Variants in MRPL43 observed in about 807,000 individuals in gnomAD.
MRPL43 encodes mitochondrial ribosomal protein L43.
MRPL43 carries 9 observed loss-of-function variants against 12.7 expected under a neutral mutation model. The observed-to-expected ratio is 0.71, with a 90% confidence interval of 0.43 to 1.24. The LOEUF (loss-of-function observed/expected upper bound fraction) is 1.24, where lower values mean the gene tolerates loss of function less well. MRPL43 is among the 50% of genes most tolerant of loss of function. The pLI is 0.00. For synonymous variants in MRPL43, 116 were observed against 96.4 expected (o/e 1.20, Z -1.19); for missense variants, 211 against 229.2 (o/e 0.92, Z 0.51).
downstream of MRPL43, chr10:100,983,783 T>A: frequency 6.2e-7 from 1 of 1,608,156 alleles, no homozygotes. Flanking sequence ...CAGGAGGATC[T>A]GCGGTGCAAC....
At chr10:100,983,761 G>A (rs140405167), downstream of MRPL43, 390 of 1,610,672 alleles carry the variant, frequency 2.4e-4, no homozygotes, top group African/African-American at 4.1e-3. Flanking sequence ...TCACTGGGTC[G>A]GGCCAGCCGG....
downstream of MRPL43, chr10:100,979,183 T>A (rs780858350): frequency 6.2e-7 from 1 of 1,614,186 alleles, no homozygotes; most frequent in Non-Finnish European, 8.5e-7. Flanking sequence ...CATTCCACTG[T>A]ATGAGACACT....
chr10:100,985,086 G>T (rs1345587818), downstream of MRPL43: 3 of 588,334 alleles, frequency 5.1e-6, no homozygotes, highest in Admixed American at 3.5e-5. Context: ...ACAGGCCCTT[G>T]CCTAGGATGG....
chr10:100,980,085 G>A, downstream of MRPL43: 1 of 1,612,342 alleles, frequency 6.2e-7, no homozygotes, highest in Non-Finnish European at 8.5e-7. Flanking sequence ...GCAGGTGGTG[G>A]AGTCCCGAGG....
At chr10:100,981,359 C>G, downstream of MRPL43, 1 of 1,607,774 alleles carries the variant, frequency 6.2e-7, no homozygotes, top group Non-Finnish European at 8.5e-7. Flanking sequence ...GACTCAAACA[C>G]AGAGCCTGGC....
At chr10:100,978,305 C>T, downstream of MRPL43, 1 of 1,612,854 alleles carries the variant, frequency 6.2e-7, no homozygotes, top group Non-Finnish European at 8.5e-7. Flanking sequence ...GATGCTGAGG[C>T]CTTCACCTTG....
rs761697716 is a variant in MRPL43 at position 100,987,105 on chromosome 10, C to A, written c.223G>T (p.Val75Leu). 6.2e-7 allele frequency: 1 copy of A among 1,613,746 alleles called. No homozygotes were observed. The highest frequency in any genetic ancestry group is 8.5e-7 in the Non-Finnish European group (1 of 1,180,038). Residue 75 changes from valine (V) to leucine (L), a missense_variant, in exon 2 of 3, where the codon GTA (valine) becomes TTA (leucine). Transcript: ENST00000318364. Reference sequence around the variant, plus strand: ...CCCCACTCACGGTATTCGGCCACTACTCTGGGCACGCAGCACGGACGCGAG... The same window carrying A: ...CCCCACTCACGGTATTCGGCCACTAATCTGGGCACGCAGCACGGACGCGAG... ...VNSRPCCVPRVVAEYLNGAVR... is the reference protein window; with the variant it reads ...VNSRPCCVPRLVAEYLNGAVR...
downstream of MRPL43, chr10:100,981,048 A>C: frequency 1.3e-6 from 2 of 1,596,862 alleles, no homozygotes; most frequent in East Asian, 4.5e-5. Flanking sequence ...TGGAGGAGGA[A>C]GGCCTGATAG....
At chr10:100,980,472 T>C, downstream of MRPL43, 1 of 1,349,526 alleles carries the variant, frequency 7.4e-7, no homozygotes, top group Non-Finnish European at 1.1e-6. Flanking sequence ...GGCTGAGTCC[T>C]TGTTCTGGAC....
chr10:100,987,241 C>G (rs1190370419), intron 1 of MRPL43, 45 bp from the exon 2 acceptor site: 1 of 1,612,618 alleles, frequency 6.2e-7, no homozygotes, highest in Non-Finnish European at 8.5e-7. Context: ...TGACTGGGGG[C>G]GACCTACCCG....
At chr10:100,978,250 C>T, downstream of MRPL43, 1 of 1,471,274 alleles carries the variant, frequency 6.8e-7, no homozygotes, top group South Asian at 1.2e-5. Flanking sequence ...GCCACTGTCC[C>T]TGCCTGTCTT....
downstream of MRPL43, chr10:100,981,558 A>G (rs753237100): frequency 1.2e-6 from 2 of 1,613,674 alleles, no homozygotes; most frequent in South Asian, 2.2e-5. Context: ...AGAAAGAACA[A>G]AAGTTAATCA....
downstream of MRPL43, chr10:100,979,726 G>A (rs1850965723): frequency 9.2e-7 from 1 of 1,090,362 alleles, no homozygotes; most frequent in African/African-American, 1.5e-5. Context: ...ACTCACAGGA[G>A]AGGCCCTGTG....
At chr10:100,979,917 C>G (rs367883776), downstream of MRPL43, 9 of 1,613,986 alleles carry the variant, frequency 5.6e-6, no homozygotes, top group African/African-American at 1.2e-4. Context: ...TTGCAGGACC[C>G]TATATGGAAT....
In MRPL43 at chr10:100,986,325, G is replaced by A; in HGVS notation, c.*409C>T. 1 of 1,429,250 alleles carries A rather than the reference G, an allele frequency of 7.0e-7. No individual in the cohort carries two copies. The highest frequency in any genetic ancestry group is 9.1e-7 in the Non-Finnish European group (1 of 1,097,824). The allele number at this position is 1,429,250 out of a possible 1,614,324, so 88.5% of individuals were successfully genotyped here. A position where few individuals can be genotyped will look rare whatever the true frequency, so the allele number is the denominator to read the frequency against. On this transcript the variant is annotated 3_prime_UTR_variant, in exon 3 of 3. Transcript: ENST00000318364. ...TGTTTTATAAATCTGTATTCACACA[G>A]ATATAAAGTGCCTAGCCCATCACAG...
In MRPL43 at chr10:100,987,454, T is replaced by C; in HGVS notation, c.-11A>G. On this transcript the variant is annotated 5_prime_UTR_variant, in exon 1 of 3. Coordinates refer to ENST00000318364, the MANE Select transcript of MRPL43 (RefSeq NM_032112.3). The stretch of plus-strand genomic sequence containing the variant: ...CCCGCGCGCCGTCATAGCTACAGCT[T>C]GGAGGCCGCGGAGCCTAAGCAGCGA... The C allele has an allele frequency of 6.2e-7, 1 of 1,611,446 alleles. No homozygotes were observed. Among genetic ancestry groups the C allele is most frequent in the Non-Finnish European group, 8.5e-7 (1 of 1,179,494 alleles).
downstream of MRPL43, chr10:100,978,326 T>A (rs774709885): frequency 8.7e-6 from 14 of 1,613,556 alleles, no homozygotes; most frequent in Non-Finnish European, 1.0e-5. Context: ...CCAACCAGCT[T>A]CGAGGAGGGG....
chr10:100,984,865 A>G (rs1851355064), downstream of MRPL43: 1 of 1,487,244 alleles, frequency 6.7e-7, no homozygotes, highest in Non-Finnish European at 8.9e-7. Context: ...CAGCCTCCCC[A>G]CTCTCCTTGG....
Position 100,987,382 on chromosome 10 carries a change from C to T in MRPL43, c.62G>A (p.Arg21His). The change falls in exon 1 of 3, where the codon CGC becomes CAC. Residue 21 changes from arginine (R) to histidine (H), a missense_variant. Transcript: ENST00000318364. ...LASVLHNGLG[R>H]YVQQLQRLSF... Reference sequence around the variant, plus strand: ...CAGACGCTGCAGCTGCTGCACATAGCGACCCAGTCCGTTGTGGAGAACGCT... The same window carrying T: ...CAGACGCTGCAGCTGCTGCACATAGTGACCCAGTCCGTTGTGGAGAACGCT... 6.2e-7 allele frequency: 1 copy of T among 1,612,646 alleles called. No individual in the cohort carries two copies. The highest frequency in any genetic ancestry group is 8.5e-7 in the Non-Finnish European group (1 of 1,179,942).
Sources: allele counts gnomAD v4.1 joint callset, GRCh38; gene constraint gnomAD v4.1.1; transcripts MANE v1.5; gene names NCBI Gene and HGNC (gene_info 2026-07-23, HGNC 2026-07-21).